Variants in SGCD observed in about 807,000 individuals in gnomAD.
SGCD encodes the protein sarcoglycan delta.
A neutral mutation model predicts 36.6 loss-of-function variants in SGCD; 18 were observed. The ratio of observed to expected loss-of-function variants is 0.49; its 90% CI spans 0.34 to 0.73. The LOEUF (loss-of-function observed/expected upper bound fraction) is 0.73, where lower values mean the gene tolerates loss of function less well. SGCD is among the 30% of genes least tolerant of loss of function. SGCD has a pLI of 0.01. For missense variants in SGCD, 387 were observed against 346.7 expected (o/e 1.12, Z -0.92); for synonymous variants, 133 against 130.6 (o/e 1.02, Z -0.12).
At chr5:156,362,074 T>C (rs1447792881) in intron 3 of SGCD, among the ~76,000 whole-genome samples, 1 of 152,208 alleles carries the variant, frequency 6.6e-6, no homozygotes, top group East Asian at 1.9e-4. Context: ...AGGCTGTCTA[T>C]GTGTAGTGTC....
At chr5:156,589,053 T>C (rs1481288555) in intron 4 of SGCD, among the ~76,000 whole-genome samples, 178 bp from the exon 5 acceptor site, 1 of 150,636 alleles carries the variant, frequency 6.6e-6, no homozygotes, top group Non-Finnish European at 1.5e-5. Flanking sequence ...CTGTTTTAGA[T>C]AGATGCTAGT....
intron 1 of SGCD, among the ~76,000 whole-genome samples, chr5:155,936,436 G>A (rs1757203813): frequency 6.6e-6 from 1 of 152,096 alleles, no homozygotes; most frequent in African/African-American, 2.4e-5. Flanking sequence ...CGCTGGGGTG[G>A]GTAGCTCCTC....
intron 6 of SGCD, among the ~76,000 whole-genome samples, chr5:156,605,224 C>T (rs183597545): frequency 6.6e-6 from 1 of 152,122 alleles, no homozygotes; most frequent in East Asian, 1.9e-4. Context: ...CAACAGGCCT[C>T]GGTGTGTGAT....
chr5:156,101,927 TGTGTGTGTGTGTGTGAGAGA>T (rs1307325208), intron 1 of SGCD, among the ~76,000 whole-genome samples: 1 of 149,964 alleles, frequency 6.7e-6, no homozygotes, highest in Non-Finnish European at 1.5e-5. Flanking sequence ...TGTGTGTGTG[TGTGTGTGTGTGTGTGAGAGA>T]GAGAGAGAGA....
the SGCD span, among the ~76,000 whole-genome samples, chr5:155,851,444 G>A: frequency 6.6e-6 from 1 of 152,256 alleles, no homozygotes; most frequent in East Asian, 1.9e-4. Context: ...GCTGCCTCGA[G>A]CAACTCATCG....
intron 3 of SGCD, among the ~76,000 whole-genome samples, chr5:156,197,513 T>C (rs1764050523): frequency 6.6e-6 from 1 of 150,408 alleles, no homozygotes. Flanking sequence ...CCTTTATAGC[T>C]CACAGTATTA....
intron 7 of SGCD, among the ~76,000 whole-genome samples, chr5:156,721,280 G>A (rs1317586365): frequency 1.3e-5 from 2 of 152,068 alleles, no homozygotes; most frequent in Non-Finnish European, 2.9e-5. Flanking sequence ...CAGGATACTG[G>A]TTAAGATCAC....
At chr5:156,088,358 T>C (rs74588864) in intron 1 of SGCD, among the ~76,000 whole-genome samples, 3,074 of 152,216 alleles carry the variant, frequency 0.02, 45 homozygotes, top group Non-Finnish European at 0.034. Flanking sequence ...TTATGGGCCA[T>C]TGGGCTGTAT....
At chr5:155,971,759 T>G (rs2127559877) in intron 1 of SGCD, among the ~76,000 whole-genome samples, 1 of 152,276 alleles carries the variant, frequency 6.6e-6, no homozygotes, top group Admixed American at 6.5e-5. Context: ...AGTTTACAAT[T>G]GTTTTTACCT....
intron 2 of SGCD, among the ~76,000 whole-genome samples, chr5:156,121,433 A>C (rs1195101566): frequency 6.6e-6 from 1 of 152,074 alleles, no homozygotes; most frequent in African/African-American, 2.4e-5. Context: ...ACAGTGGTGG[A>C]ACCGGAACCT....
chr5:156,678,758 A>G (rs1242008958), intron 7 of SGCD, among the ~76,000 whole-genome samples: 1 of 152,220 alleles, frequency 6.6e-6, no homozygotes, highest in East Asian at 1.9e-4. Flanking sequence ...TACGTGAGCA[A>G]TTGAGAATTC....
intron 6 of SGCD, among the ~76,000 whole-genome samples, chr5:156,619,172 C>A (rs1581266324): frequency 1.3e-5 from 2 of 152,184 alleles, no homozygotes; most frequent in South Asian, 4.1e-4. Context: ...ACTACAGGCA[C>A]CTGCCACGAC....
At chr5:156,545,273 G>T (rs564157321) in intron 4 of SGCD, among the ~76,000 whole-genome samples, 1 of 152,106 alleles carries the variant, frequency 6.6e-6, no homozygotes, top group Non-Finnish European at 1.5e-5. Context: ...TGAAAGGAAA[G>T]AGAAGTTTAT....
intron 3 of SGCD, among the ~76,000 whole-genome samples, chr5:156,467,895 G>T (rs1754784562): frequency 6.6e-6 from 1 of 152,206 alleles, no homozygotes; most frequent in Non-Finnish European, 1.5e-5. Context: ...GTCTAGCTTT[G>T]TTGGAAGTGT....
intron 1 of SGCD, among the ~76,000 whole-genome samples, chr5:156,114,888 A>G (rs1321202631): frequency 6.6e-6 from 1 of 152,072 alleles, no homozygotes; most frequent in Non-Finnish European, 1.5e-5. Flanking sequence ...TTTAGATGCT[A>G]TTTTGGAGAA....
At chr5:156,229,300 A>ATACATACATAT (rs1477607808) in intron 3 of SGCD, among the ~76,000 whole-genome samples, 1 of 126,176 alleles carries the variant, frequency 7.9e-6, no homozygotes, top group Non-Finnish European at 1.7e-5. Flanking sequence ...ATATATATAT[A>ATACATACATAT]AAATTAGTTC....
At chr5:156,181,702 T>C (rs1452818856) in intron 3 of SGCD, among the ~76,000 whole-genome samples, 2 of 152,216 alleles carry the variant, frequency 1.3e-5, no homozygotes, top group African/African-American at 4.8e-5. Flanking sequence ...ATAAGTCAGA[T>C]GATTCTTGGA....
intron 3 of SGCD, among the ~76,000 whole-genome samples, chr5:156,175,786 A>G (rs1305535710): frequency 6.6e-6 from 1 of 152,218 alleles, no homozygotes. Flanking sequence ...GTCAATTAAT[A>G]TAATTGTGAT....
At chr5:156,423,960 A>G (rs1360806888) in intron 3 of SGCD, among the ~76,000 whole-genome samples, 1 of 151,990 alleles carries the variant, frequency 6.6e-6, no homozygotes, top group Non-Finnish European at 1.5e-5. Context: ...TTTTAGGGTG[A>G]AGTTGATTTT....
Sources: gnomAD v4.1 joint callset for allele counts (sites outside exome capture counted in the v4.1 genomes callset) on GRCh38, gnomAD v4.1.1 for gene constraint, MANE v1.5 for transcripts, NCBI Gene and HGNC (gene_info 2026-07-23, HGNC 2026-07-21) for gene names.